Variants in WDR7 observed in about 807,000 individuals in gnomAD.
The protein encoded by WDR7 is WD repeat-containing protein 7.
WDR7 carries 46 observed loss-of-function variants against 169.4 expected under a neutral mutation model. The ratio of observed to expected loss-of-function variants is 0.27; its 90% confidence interval spans 0.21 to 0.35. The LOEUF (loss-of-function observed/expected upper bound fraction) is 0.35, where lower values mean the gene tolerates loss of function less well. Among genes scored for constraint, WDR7 ranks in the 10% least tolerant of loss-of-function variants. The probability of loss-of-function intolerance (pLI) is 1.00; values close to 1 mark genes in which losing one functional copy is unlikely to be tolerated. For synonymous variants in WDR7, 612 were observed against 666.8 expected (o/e 0.92, Z 1.27); for missense variants, 1,534 against 1,859.3 (o/e 0.83, Z 3.22).
chr18:56,659,556 T>C (rs1369624623), intron 1 of WDR7, among the ~76,000 whole-genome samples: 1 of 152,192 alleles, frequency 6.6e-6, no homozygotes, highest in African/African-American at 2.4e-5. Context: ...GTTTGAGTGG[T>C]AGATTTTGCA....
At chr18:56,725,873 G>T (rs1282332151) in intron 13 of WDR7, among the ~76,000 whole-genome samples, 1 of 152,080 alleles carries the variant, frequency 6.6e-6, no homozygotes, top group African/African-American at 2.4e-5. Flanking sequence ...TTCTACATAT[G>T]GCTAGCCAGT....
intron 15 of WDR7, 111 bp from the exon 16 acceptor site, chr18:56,758,754 A>T: frequency 2.7e-6 from 2 of 733,650 alleles, no homozygotes; most frequent in Non-Finnish European, 4.0e-6. Flanking sequence ...AAAATGTTCT[A>T]TATATGTTTC....
intron 14 of WDR7, among the ~76,000 whole-genome samples, chr18:56,748,532 G>T (rs2043739027): frequency 1.3e-5 from 2 of 151,922 alleles, no homozygotes; most frequent in Non-Finnish European, 2.9e-5. Context: ...ATACTTAATG[G>T]TTACAACTTA....
At chr18:56,769,920 C>A (rs1374678913) in intron 16 of WDR7, among the ~76,000 whole-genome samples, 3 of 151,970 alleles carry the variant, frequency 2.0e-5, no homozygotes, top group African/African-American at 7.3e-5. Flanking sequence ...CTTTCTGTGC[C>A]TTTATTTTTT....
chr18:56,751,575 A>G (rs1196615712), intron 14 of WDR7, among the ~76,000 whole-genome samples: 1 of 152,120 alleles, frequency 6.6e-6, no homozygotes, highest in Non-Finnish European at 1.5e-5. Flanking sequence ...CTGTCTACCT[A>G]ATATTGATAT....
chr18:57,025,878 G>A (rs1450131614), intron 27 of WDR7, among the ~76,000 whole-genome samples: 1 of 152,180 alleles, frequency 6.6e-6, no homozygotes, highest in Non-Finnish European at 1.5e-5. Flanking sequence ...ATTTGCCAGA[G>A]TTTCATGGAT....
intron 2 of WDR7, 151 bp from the exon 3 acceptor site, chr18:56,679,181 G>C: frequency 1.8e-6 from 1 of 549,734 alleles, no homozygotes. Flanking sequence ...CTCCCAGGCG[G>C]CTCCAGCAGT....
chr18:56,716,947 ATTGATC>A (rs1339253847), intron 12 of WDR7, among the ~76,000 whole-genome samples: 2 of 152,198 alleles, frequency 1.3e-5, no homozygotes, highest in Non-Finnish European at 2.9e-5. Flanking sequence ...ATATTGAGAT[ATTGATC>A]TTTAGTTTAA....
intron 22 of WDR7, among the ~76,000 whole-genome samples, chr18:56,925,031 C>T (rs1431529977): frequency 1.3e-5 from 2 of 152,212 alleles, no homozygotes; most frequent in Admixed American, 6.5e-5. Context: ...ACCATACAAA[C>T]TGTGGTCCTT....
At chr18:56,754,247 TTGTGTG>T (rs71169393) in intron 14 of WDR7, among the ~76,000 whole-genome samples, 8,958 of 141,586 alleles carry the variant, frequency 0.063, 308 homozygotes, top group African/African-American at 0.073. Flanking sequence ...GTTTTGTGCT[TTGTGTG>T]TGTGTGTGTG....
At chr18:56,765,660 A>T (rs967170005) in intron 16 of WDR7, among the ~76,000 whole-genome samples, 1 of 152,180 alleles carries the variant, frequency 6.6e-6, no homozygotes. Context: ...ATAAGAAAAA[A>T]TACATATTTA....
At position 56,691,281 on chromosome 18, in the gene WDR7, CG is replaced by C. The variant is rs752582899; in HGVS notation, c.790del (p.Asp264ThrfsTer44). The C allele has an allele frequency of 1.1e-5, 17 of 1,607,322 alleles. No homozygotes were observed. Among genetic ancestry groups the C allele is most frequent in the Admixed American group, 8.6e-5 (5 of 57,882 alleles). The part of the protein sequence containing the change: ...GPSENGQTWT[G>X]GDFVSSDKVI... ...CTAGTGAAAATGGACAGACATGGAC[CG>C]GGGGGGACTTTGTCTCATCAGATAA... On this transcript the variant is annotated frameshift_variant, in exon 8 of 28. Transcript: ENST00000254442. LOFTEE classifies it high-confidence loss of function.
chr18:56,935,636 T>C, intron 22 of WDR7, 152 bp from the exon 23 acceptor site: 1 of 705,862 alleles, frequency 1.4e-6, no homozygotes, highest in Non-Finnish European at 2.5e-6. Context: ...CCCTGACTCC[T>C]AATCACTGCC....
intron 21 of WDR7, among the ~76,000 whole-genome samples, chr18:56,901,922 T>G (rs1358614374): frequency 6.6e-6 from 1 of 152,100 alleles, no homozygotes; most frequent in Admixed American, 6.6e-5. Flanking sequence ...AGCAGAGGAT[T>G]TACTAGTGTC....
At chr18:56,666,612 T>C (rs183071120) in intron 1 of WDR7, among the ~76,000 whole-genome samples, 1 of 152,360 alleles carries the variant, frequency 6.6e-6, no homozygotes, top group Admixed American at 6.5e-5. Context: ...GTTCCATTTA[T>C]CTTTTAATGA....
intron 19 of WDR7, among the ~76,000 whole-genome samples, chr18:56,811,868 T>G (rs2044875245): frequency 6.6e-6 from 1 of 152,216 alleles, no homozygotes; most frequent in Non-Finnish European, 1.5e-5. Flanking sequence ...CACATGGTTT[T>G]AATAACTTTA....
intron 12 of WDR7, among the ~76,000 whole-genome samples, chr18:56,716,582 G>T (rs773049976): frequency 1.1e-4 from 16 of 152,170 alleles, no homozygotes; most frequent in Non-Finnish European, 2.1e-4. Flanking sequence ...ATGGTGAAGA[G>T]AATGTAAGGG....
Position 56,987,584 on chromosome 18 carries a change from A to T in WDR7, c.4164+25055A>T, listed in dbSNP as rs1568301259. ...CTGAAGCTATATTTTGTCCACAAAT[A>T]TGGCAGTTGTTTATAAAAATAGAAC... On this transcript the variant is annotated intron_variant, in intron 26 of 27. Transcript: ENST00000254442. 2.0e-5 allele frequency among the ~76,000 whole-genome samples: 3 copies of T among 152,350 alleles called. No homozygotes were observed. In the South Asian group the frequency reaches 6.2e-4, roughly 32 times the overall value.
At chr18:56,916,833 G>A (rs1438170707) in intron 21 of WDR7, among the ~76,000 whole-genome samples, 2 of 152,148 alleles carry the variant, frequency 1.3e-5, no homozygotes, top group Non-Finnish European at 2.9e-5. Flanking sequence ...GAGGCCCGAG[G>A]CAGGTAGATC....
Sources: allele counts gnomAD v4.1 joint callset (sites outside exome capture counted in the v4.1 genomes callset), GRCh38; gene constraint gnomAD v4.1.1; transcripts MANE v1.5; gene names NCBI Gene and HGNC (gene_info 2026-07-23, HGNC 2026-07-21).